The following CPNE4 variants were observed in gnomAD, a reference collection of about 807,000 sequenced individuals.
The protein encoded by CPNE4 is copine 4.
A neutral mutation model predicts 67.9 loss-of-function variants in CPNE4; 25 were observed. The ratio of observed to expected loss-of-function variants is 0.37; its 90% CI spans 0.27 to 0.51. The LOEUF (loss-of-function observed/expected upper bound fraction) is 0.51. Among genes scored for constraint, CPNE4 ranks in the 20% least tolerant of loss-of-function variants. CPNE4 has a pLI of 0.93. For missense variants in CPNE4, 464 were observed against 690.8 expected (o/e 0.67, Z 3.68); for synonymous variants, 242 against 244.9 (o/e 0.99, Z 0.11).
intron 2 of CPNE4, among the ~76,000 whole-genome samples, chr3:131,806,503 T>C (rs1282776821): frequency 6.7e-6 from 1 of 148,454 alleles, no homozygotes; most frequent in Non-Finnish European, 1.5e-5. Context: ...TGAGCCGAGA[T>C]TGTGCCACTG....
intron 1 of CPNE4, among the ~76,000 whole-genome samples, chr3:131,918,850 A>G (rs190112188): frequency 4.3e-4 from 65 of 152,352 alleles, no homozygotes; most frequent in Non-Finnish European, 7.6e-4. Flanking sequence ...CACATGAAAC[A>G]CATTAGAAGA....
At chr3:131,683,961 C>T (rs1277966569) in intron 6 of CPNE4, among the ~76,000 whole-genome samples, 1 of 152,068 alleles carries the variant, frequency 6.6e-6, no homozygotes. Context: ...TGCAAGGTCC[C>T]ATAATCACTG....
intron 7 of CPNE4, among the ~76,000 whole-genome samples, chr3:131,626,140 T>C (rs1412957331): frequency 6.6e-6 from 1 of 152,146 alleles, no homozygotes; most frequent in Non-Finnish European, 1.5e-5. Flanking sequence ...TTTCCTTAGA[T>C]ACAACAATAT....
intron 3 of CPNE4, among the ~76,000 whole-genome samples, chr3:131,719,705 A>G (rs1453070005): frequency 6.6e-6 from 1 of 152,194 alleles, no homozygotes; most frequent in East Asian, 1.9e-4. Flanking sequence ...GGTCCCAGGT[A>G]AAGAATGTCA....
intron 1 of CPNE4, among the ~76,000 whole-genome samples, chr3:131,975,653 A>T (rs2072630142): frequency 6.6e-6 from 1 of 152,202 alleles, no homozygotes; most frequent in African/African-American, 2.4e-5. Flanking sequence ...ATGAAAGGTG[A>T]CCCTGAAAAG....
chr3:131,949,211 C>T (rs945431494), intron 1 of CPNE4, among the ~76,000 whole-genome samples: 28 of 152,150 alleles, frequency 1.8e-4, no homozygotes, highest in Admixed American at 1.8e-3. Flanking sequence ...CATAAAGAAG[C>T]CCACTTACCA....
chr3:131,853,121 C>G (rs1205940566), intron 2 of CPNE4, among the ~76,000 whole-genome samples: 1 of 151,474 alleles, frequency 6.6e-6, no homozygotes, highest in African/African-American at 2.4e-5. Context: ...AGAGCCAAAG[C>G]AATTTGAAAA....
intron 1 of CPNE4, among the ~76,000 whole-genome samples, chr3:131,952,211 C>T (rs1261636654): frequency 1.3e-5 from 2 of 150,776 alleles, no homozygotes; most frequent in African/African-American, 4.9e-5. Flanking sequence ...GCCTCTGCCC[C>T]GCCGCCCCGT....
chr3:131,802,875 A>G (rs778283833), intron 2 of CPNE4, among the ~76,000 whole-genome samples: 5 of 152,186 alleles, frequency 3.3e-5, no homozygotes, highest in Non-Finnish European at 7.4e-5. Flanking sequence ...GCAAAGCTGA[A>G]AGTCACTGCA....
rs1939190421 is a variant in CPNE4, at chr3:131,601,276, C to A, written c.682-13694G>T. Among the ~76,000 whole-genome samples, 3 of 152,168 alleles carry A rather than the reference C, an allele frequency of 2.0e-5. No individual in the cohort carries two copies. The South Asian group carries it at 6.2e-4, about 32-fold the overall frequency. ...AGGATTTATTATATGCACAAGCACA[C>A]ATATACACACACACGTTTTTTTATC... On this transcript the variant is annotated intron_variant, in intron 7 of 15. Transcript: ENST00000429747.
At chr3:131,715,274 T>C (rs1017401708) in intron 3 of CPNE4, among the ~76,000 whole-genome samples, 2 of 152,218 alleles carry the variant, frequency 1.3e-5, no homozygotes, top group Non-Finnish European at 2.9e-5. Context: ...AGAGGGAAGA[T>C]GATCAAGCCC....
chr3:131,785,104 CAT>C (rs984758566), intron 2 of CPNE4, among the ~76,000 whole-genome samples: 1 of 152,138 alleles, frequency 6.6e-6, no homozygotes, highest in Non-Finnish European at 1.5e-5. Flanking sequence ...ACATAGCAGA[CAT>C]AAAGGATCCA....
intron 1 of CPNE4, among the ~76,000 whole-genome samples, chr3:131,919,104 T>G (rs2107804814): frequency 6.6e-6 from 1 of 152,284 alleles, no homozygotes; most frequent in East Asian, 1.9e-4. Context: ...TCTAAATAAA[T>G]GCCTGCTGGA....
intron 8 of CPNE4, 93 bp downstream of exon 8, chr3:131,587,391 T>G: frequency 1.3e-6 from 1 of 794,658 alleles, no homozygotes; most frequent in South Asian, 1.5e-5. Flanking sequence ...AATCATACAT[T>G]GATGTTTTGC....
chr3:131,717,718 CTT>C (rs2081736790), intron 3 of CPNE4, among the ~76,000 whole-genome samples: 1 of 152,146 alleles, frequency 6.6e-6, no homozygotes. Flanking sequence ...CTGGCCCCCT[CTT>C]TTCAGTTTAC....
At chr3:131,658,677 C>T (rs976231282) in intron 7 of CPNE4, among the ~76,000 whole-genome samples, 5 of 152,202 alleles carry the variant, frequency 3.3e-5, no homozygotes, top group African/African-American at 1.2e-4. Context: ...GCTGATACCT[C>T]CTCCAGCTCC....
chr3:131,966,463 G>GT (rs556712364), intron 1 of CPNE4, among the ~76,000 whole-genome samples: 92 of 151,822 alleles, frequency 6.1e-4, no homozygotes, highest in Middle Eastern at 6.8e-3. Flanking sequence ...AACAAAATAG[G>GT]TAGACCACTA....
rs1449744971 is a variant in CPNE4, at chr3:131,547,485, A to C, written c.1302+2462T>G. 1.1e-4 allele frequency among the ~76,000 whole-genome samples: 15 copies of C among 141,798 alleles called. 2 individuals are homozygous for C. Among genetic ancestry groups the C allele is most frequent in the South Asian group, 2.4e-4 (1 of 4,176 alleles). The allele number at this position is 141,798 out of a possible 152,430, so 93.0% of individuals were successfully genotyped here. A position where few individuals can be genotyped will look rare whatever the true frequency, so the allele number is the denominator to read the frequency against. On this transcript the variant is annotated intron_variant, in intron 14 of 15. Coordinates refer to ENST00000429747, the MANE Select transcript of CPNE4 (RefSeq NM_130808.3). ...AAAAAAAAAAAAAAAAAAAAAAAAA[A>C]AAAAAAAAAAAAAAAACCTAATAGT...
intron 13 of CPNE4, among the ~76,000 whole-genome samples, chr3:131,550,880 A>T (rs890226466): frequency 6.6e-6 from 1 of 152,094 alleles, no homozygotes; most frequent in Non-Finnish European, 1.5e-5. Context: ...CTGCCAGGAG[A>T]GGCAGTCCTA....
Sources: allele counts gnomAD v4.1 joint callset (sites outside exome capture counted in the v4.1 genomes callset), GRCh38; gene constraint gnomAD v4.1.1; transcripts MANE v1.5; gene names NCBI Gene and HGNC (gene_info 2026-07-23, HGNC 2026-07-21).